The following UBAP1 variants were observed in gnomAD, a reference collection of about 807,000 sequenced individuals.
UBAP1 encodes the protein ubiquitin-associated protein 1.
UBAP1 carries 5 observed loss-of-function variants against 39.0 expected under a neutral mutation model. The ratio of observed to expected loss-of-function variants is 0.13; its 90% CI spans 0.07 to 0.27. The LOEUF is 0.27. Among genes scored for constraint, UBAP1 ranks in the 10% least tolerant of loss-of-function variants. The pLI, the probability that UBAP1 is intolerant of heterozygous loss-of-function variation, is 1.00. For synonymous variants in UBAP1, 211 were observed against 225.1 expected, an observed-to-expected ratio of 0.94 and a Z score of 0.56; for missense variants, 490 against 608.1, an observed-to-expected ratio of 0.81 and a Z score of 2.04.
chr9:34,212,243 TA>T (rs1832058074), intron 1 of UBAP1, among the ~76,000 whole-genome samples: 1 of 152,050 alleles, frequency 6.6e-6, no homozygotes, highest in African/African-American at 2.4e-5. Context: ...TTTAATTTAT[TA>T]AAACATTTTA....
chr9:34,202,607 G>T (rs1279220887), intron 1 of UBAP1, among the ~76,000 whole-genome samples: 1 of 144,746 alleles, frequency 6.9e-6, no homozygotes, highest in Non-Finnish European at 1.5e-5. Flanking sequence ...TTATGGGCCA[G>T]AAGCTGTAGA....
intron 1 of UBAP1, among the ~76,000 whole-genome samples, chr9:34,192,490 G>A (rs933302976): frequency 1.7e-4 from 23 of 138,336 alleles, no homozygotes; most frequent in Non-Finnish European, 1.5e-5. Context: ...ACTCTAGCCT[G>A]GGTGGATAGA....
At chr9:34,240,882 A>G (rs1469809524) in intron 3 of UBAP1, among the ~76,000 whole-genome samples, 1 of 152,160 alleles carries the variant, frequency 6.6e-6, no homozygotes, top group East Asian at 1.9e-4. Context: ...TATTTCTTAC[A>G]TGTTTGGGGC....
chr9:34,220,797 T>A, intron 1 of UBAP1, 111 bp from the exon 2 acceptor site: 1 of 846,302 alleles, frequency 1.2e-6, no homozygotes, highest in Non-Finnish European at 1.9e-6. Context: ...GACGTGAGGA[T>A]TCTGTCAGCC....
intron 2 of UBAP1, among the ~76,000 whole-genome samples, chr9:34,221,187 T>G (rs1403421313): frequency 1.3e-5 from 2 of 152,160 alleles, no homozygotes; most frequent in Non-Finnish European, 2.9e-5. Flanking sequence ...TTGAAACTAC[T>G]AGTGATAGAT....
intron 3 of UBAP1, among the ~76,000 whole-genome samples, chr9:34,239,132 C>T (rs1423652114): frequency 2.0e-5 from 3 of 152,270 alleles, no homozygotes; most frequent in Non-Finnish European, 4.4e-5. Flanking sequence ...GCAACCTCCA[C>T]CTCCCAGGTT....
chr9:34,224,089 G>T, intron 2 of UBAP1: 1 of 710,158 alleles, frequency 1.4e-6, no homozygotes, highest in Non-Finnish European at 2.3e-6. Flanking sequence ...TTGAAGTGAT[G>T]CACGCAAGAA....
intron 2 of UBAP1, among the ~76,000 whole-genome samples, chr9:34,229,625 A>G (rs1051556346): frequency 7.3e-6 from 1 of 136,138 alleles, no homozygotes; most frequent in African/African-American, 2.8e-5. Flanking sequence ...GCAGCCTCTG[A>G]CTCCCTGGTT....
intron 2 of UBAP1, chr9:34,224,311 G>C: frequency 4.4e-6 from 2 of 451,330 alleles, no homozygotes; most frequent in East Asian, 7.2e-5. Flanking sequence ...TGAGTATGGT[G>C]TGCTGTCAAT....
Position 34,190,633 on chromosome 9 carries a change from C to CTT in UBAP1, c.-8+11409_-8+11410dup, listed in dbSNP as rs563281159. Among the ~76,000 whole-genome samples the CTT allele has an allele frequency of 3.7e-3, 480 of 129,450 alleles. 3 individuals carry two copies. The highest frequency in any genetic ancestry group is 0.012 in the African/African-American group (425 of 34,656). The allele number at this position is 129,450 out of a possible 152,430, so 84.9% of individuals were successfully genotyped here. On this transcript the variant is annotated intron_variant, in intron 1 of 6. Coordinates refer to ENST00000297661, the MANE Select transcript of UBAP1 (RefSeq NM_016525.5). ...GGAATCTTTTTTCCTTTCTTTCTTT[C>CTT]TTTTTTTTTTTTTTTTTGGAGACAG...
At chr9:34,208,554 G>A (rs1831839844) in intron 1 of UBAP1, among the ~76,000 whole-genome samples, 1 of 152,006 alleles carries the variant, frequency 6.6e-6, no homozygotes, top group Non-Finnish European at 1.5e-5. Flanking sequence ...GAGGCGGGCA[G>A]ATCATGAGGT....
At chr9:34,230,497 A>G (rs1216981436) in intron 2 of UBAP1, among the ~76,000 whole-genome samples, 1 of 152,344 alleles carries the variant, frequency 6.6e-6, no homozygotes, top group South Asian at 2.1e-4. Flanking sequence ...CTTAGTGCCA[A>G]AGTTTCAGCT....
At chr9:34,196,536 C>T (rs915185732) in intron 1 of UBAP1, among the ~76,000 whole-genome samples, 4 of 151,818 alleles carry the variant, frequency 2.6e-5, no homozygotes, top group African/African-American at 7.3e-5. Context: ...AGGCTGGTCT[C>T]GAACTCCTGA....
chr9:34,213,544 A>G (rs1832132740), intron 1 of UBAP1, among the ~76,000 whole-genome samples: 1 of 152,052 alleles, frequency 6.6e-6, no homozygotes, highest in East Asian at 1.9e-4. Context: ...ACCATCTATG[A>G]CACACCTACA....
At chr9:34,181,231 G>A (rs1258070560) in intron 1 of UBAP1, among the ~76,000 whole-genome samples, 1 of 144,122 alleles carries the variant, frequency 6.9e-6, no homozygotes, top group Non-Finnish European at 1.5e-5. Context: ...TCCTGCCTCA[G>A]CCTCCTCAGT....
At chr9:34,239,929 C>T (rs779038876) in intron 3 of UBAP1, among the ~76,000 whole-genome samples, 1 of 152,142 alleles carries the variant, frequency 6.6e-6, no homozygotes, top group South Asian at 2.1e-4. Context: ...TTTCTGCGTT[C>T]CAAGTATTCT....
chr9:34,226,046 A>C (rs1398738177), intron 2 of UBAP1, among the ~76,000 whole-genome samples: 1 of 151,614 alleles, frequency 6.6e-6, no homozygotes, highest in Non-Finnish European at 1.5e-5. Context: ...CACTCATGAA[A>C]CCATCACCAT....
In UBAP1 at chr9:34,248,420, G is replaced by C. The variant is rs549004348; in HGVS notation, c.1084-1359G>C. On this transcript the variant is annotated intron_variant, in intron 4 of 6. Transcript: ENST00000297661. ...AGGCATTTAGGAGGCATTATGAGAA[G>C]GGCAGGCAGTTGAAGAATAGTCCTG... 5.3e-5 allele frequency among the ~76,000 whole-genome samples: 8 copies of C among 152,300 alleles called. No homozygotes were observed. The East Asian group carries it at 1.5e-3, about 29-fold the overall frequency.
chr9:34,235,421 C>T (rs1159361150), intron 3 of UBAP1, among the ~76,000 whole-genome samples: 1 of 151,998 alleles, frequency 6.6e-6, no homozygotes, highest in Non-Finnish European at 1.5e-5. Flanking sequence ...TCACTGCAAG[C>T]TCTGCCTCCT....
Sources: gnomAD v4.1 joint callset for allele counts (sites outside exome capture counted in the v4.1 genomes callset) on GRCh38, gnomAD v4.1.1 for gene constraint, MANE v1.5 for transcripts, NCBI Gene and HGNC (gene_info 2026-07-23, HGNC 2026-07-21) for gene names.